The following RORA variants were observed in gnomAD, a reference collection of about 807,000 sequenced individuals.
RORA encodes the protein nuclear receptor ROR-alpha.
A neutral mutation model predicts 69.5 loss-of-function variants in RORA; 7 were observed. The ratio of observed to expected loss-of-function variants is 0.10; its 90% CI spans 0.06 to 0.19. The LOEUF (loss-of-function observed/expected upper bound fraction) is 0.19. RORA is among the 10% of genes least tolerant of loss of function. The probability of loss-of-function intolerance (pLI) is 1.00; values close to 1 mark genes in which losing one functional copy is unlikely to be tolerated. For missense variants in RORA, 457 were observed against 663.0 expected (o/e 0.69, Z 3.41); for synonymous variants, 261 against 240.8 (o/e 1.08, Z -0.78).
chr15:60,978,180 C>T (rs916931773), intron 1 of RORA, among the ~76,000 whole-genome samples: 2 of 152,016 alleles, frequency 1.3e-5, no homozygotes, highest in East Asian at 1.9e-4. Flanking sequence ...ATCATCATCA[C>T]AATCATCAAC....
intron 2 of RORA, among the ~76,000 whole-genome samples, chr15:60,611,574 A>AAAAAAAAAAAAAAAAAAAAAAG: frequency 7.0e-6 from 1 of 142,492 alleles, no homozygotes; most frequent in African/African-American, 2.6e-5. Flanking sequence ...AAAAAAAAAA[A>AAAAAAAAAAAAAAAAAAAAAAG]AAAAAAAAAA....
intron 2 of RORA, among the ~76,000 whole-genome samples, chr15:60,597,619 CAT>C (rs1555436060): frequency 2.9e-4 from 6 of 20,400 alleles, no homozygotes; most frequent in African/African-American, 5.0e-4. Context: ...TATATATATA[CAT>C]ACATATATAT....
At chr15:60,993,221 T>A (rs763993331) in intron 1 of RORA, among the ~76,000 whole-genome samples, 1 of 152,214 alleles carries the variant, frequency 6.6e-6, no homozygotes, top group Admixed American at 6.5e-5. Flanking sequence ...ATGTGTCATG[T>A]CCCAAGTATT....
chr15:60,844,073 G>A (rs777694558), intron 1 of RORA, among the ~76,000 whole-genome samples: 4 of 152,160 alleles, frequency 2.6e-5, no homozygotes, highest in Admixed American at 6.5e-5. Context: ...CTTTGAGGAT[G>A]GAGTTTAAAT....
chr15:60,624,420 T>C (rs1596072963), intron 2 of RORA, among the ~76,000 whole-genome samples: 1 of 140,552 alleles, frequency 7.1e-6, no homozygotes, highest in South Asian at 2.3e-4. Flanking sequence ...CCCGCTGATA[T>C]AAGTTAACCT....
At chr15:60,943,555 G>A (rs1464332092) in intron 1 of RORA, among the ~76,000 whole-genome samples, 1 of 149,854 alleles carries the variant, frequency 6.7e-6, no homozygotes, top group Non-Finnish European at 1.5e-5. Flanking sequence ...GGCCCAATGT[G>A]GACCCGCATT....
chr15:60,932,009 A>T (rs1408802103), intron 1 of RORA, among the ~76,000 whole-genome samples: 10 of 151,580 alleles, frequency 6.6e-5, no homozygotes, highest in African/African-American at 2.4e-4. Flanking sequence ...TCAAAGCAAT[A>T]TCTAGAAAAA....
chr15:61,132,849 A>T (rs2079203418), intron 1 of RORA, among the ~76,000 whole-genome samples: 1 of 152,220 alleles, frequency 6.6e-6, no homozygotes, highest in Admixed American at 6.5e-5. Flanking sequence ...ATTGACCTGT[A>T]TAAATGTATG....
chr15:60,560,885 G>A (rs2067518652), intron 2 of RORA, among the ~76,000 whole-genome samples: 1 of 152,004 alleles, frequency 6.6e-6, no homozygotes, highest in Non-Finnish European at 1.5e-5. Flanking sequence ...AAAATACAGA[G>A]AAGTATATGG....
chr15:61,223,978 C>A (rs1275071778), intron 1 of RORA, among the ~76,000 whole-genome samples: 2 of 147,234 alleles, frequency 1.4e-5, no homozygotes, highest in African/African-American at 5.1e-5. Flanking sequence ...CATTTCTAAA[C>A]CAACACTTCC....
At chr15:60,897,403 AAC>A (rs1226986610) in intron 1 of RORA, among the ~76,000 whole-genome samples, 1 of 152,228 alleles carries the variant, frequency 6.6e-6, no homozygotes, top group African/African-American at 2.4e-5. Flanking sequence ...GAATAAGTTA[AAC>A]AGTTGCCTCA....
chr15:60,547,340 T>TA (rs35202851), intron 2 of RORA, among the ~76,000 whole-genome samples: 25,657 of 148,436 alleles, frequency 0.17, 2,471 homozygotes, highest in Middle Eastern at 0.26. Flanking sequence ...TTTTTTTTTT[T>TA]AAAGATAGGG....
intron 2 of RORA, among the ~76,000 whole-genome samples, chr15:60,617,021 C>A (rs1329803698): frequency 1.3e-5 from 2 of 152,176 alleles, no homozygotes. Context: ...TATAGAATTG[C>A]TTCTGAAATC....
At chr15:60,585,583 G>A (rs2068311098) in intron 2 of RORA, among the ~76,000 whole-genome samples, 1 of 151,944 alleles carries the variant, frequency 6.6e-6, no homozygotes, top group African/African-American at 2.4e-5. Flanking sequence ...ATCAAATGAC[G>A]ACCTCTTTTT....
intron 2 of RORA, among the ~76,000 whole-genome samples, chr15:60,655,333 G>A (rs768242586): frequency 2.0e-5 from 3 of 152,098 alleles, no homozygotes; most frequent in Non-Finnish European, 2.9e-5. Flanking sequence ...AGGCCCCAGC[G>A]GTTACAGAGT....
At chr15:60,967,756 C>T (rs986247581) in intron 1 of RORA, among the ~76,000 whole-genome samples, 1 of 152,174 alleles carries the variant, frequency 6.6e-6, no homozygotes, top group Non-Finnish European at 1.5e-5. Flanking sequence ...GAAGGCAGAT[C>T]AGTAAGTCAG....
intron 2 of RORA, among the ~76,000 whole-genome samples, chr15:60,568,850 A>G (rs548697328): frequency 2.2e-4 from 34 of 152,254 alleles, no homozygotes; most frequent in African/African-American, 7.0e-4. Flanking sequence ...CAAGGACGGA[A>G]CAGGGAGTTG....
chr15:60,642,681 G>T (rs926188556), intron 2 of RORA, among the ~76,000 whole-genome samples: 2 of 152,026 alleles, frequency 1.3e-5, no homozygotes, highest in Non-Finnish European at 1.5e-5. Flanking sequence ...ACTTGAGCCC[G>T]GAAGTTCAAG....
intron 2 of RORA, among the ~76,000 whole-genome samples, chr15:60,577,580 G>T (rs2068062104): frequency 6.6e-6 from 1 of 150,904 alleles, no homozygotes; most frequent in Non-Finnish European, 1.5e-5. Context: ...GGAGGTGGAG[G>T]TTGCAGCAAG....
Sources: gnomAD v4.1 joint callset for allele counts (sites outside exome capture counted in the v4.1 genomes callset) on GRCh38, gnomAD v4.1.1 for gene constraint, MANE v1.5 for transcripts, NCBI Gene and HGNC (gene_info 2026-07-23, HGNC 2026-07-21) for gene names.